ALPK2: variants seen among roughly 807,000 people sequenced by gnomAD.
ALPK2 encodes alpha kinase 2.
In ALPK2, 127 loss-of-function variants were observed where a neutral mutation model predicts 163.1. The observed-to-expected ratio is 0.78, with a 90% CI of 0.67 to 0.90. The LOEUF is 0.90. Ranked by LOEUF, ALPK2 falls within the 40% of genes least tolerant of loss-of-function variation. The probability of loss-of-function intolerance (pLI) is 0.00; values close to 1 mark genes in which losing one functional copy is unlikely to be tolerated. For missense variants in ALPK2, 2,360 were observed against 2,589.6 expected (o/e 0.91, Z 1.92); for synonymous variants, 953 against 959.1 (o/e 0.99, Z 0.12).
chr18:58,537,840 C>T lies in ALPK2; in HGVS notation c.2347G>A (p.Asp783Asn). ...ACATTTTCCAGGGTGAGGGCAGTAT[C>T]TGTGGGTTCAGGGGAAGCAACAGAG... ...AVSVASPEPT[D>N]TALTLENVCD... is the part of the protein sequence containing the mutation. The change falls in exon 5 of 13, where the codon GAT (aspartate) becomes AAT (asparagine). Residue 783 changes from aspartate (D) to asparagine (N), a missense_variant. Transcript: ENST00000361673. The T allele has an allele frequency of 6.2e-7, 1 of 1,614,158 alleles. No homozygotes were observed. The highest frequency in any genetic ancestry group is 1.1e-5 in the South Asian group (1 of 91,082).
chr18:58,492,209 C>G (rs752748539), intron 12 of ALPK2, among the ~76,000 whole-genome samples: 4 of 152,090 alleles, frequency 2.6e-5, no homozygotes, highest in African/African-American at 4.8e-5. Context: ...GATATACACA[C>G]AGACACACAT....
At position 58,605,917 on chromosome 18, in the gene ALPK2, G is replaced by A. The variant is rs143149946; in HGVS notation, c.227+1405C>T. 1.2e-3 allele frequency among the ~76,000 whole-genome samples: 180 copies of A among 152,302 alleles called. No homozygotes were observed. The Middle Eastern group carries it at 0.024, about 20-fold the overall frequency. On this transcript the variant is annotated intron_variant, in intron 3 of 12. Transcript: ENST00000361673. Reference sequence around the variant, plus strand: ...TGTGTTATTTACCTCCATCTCTAGCGTTAAGCAAAATGCTTGGCATATGTA... The same window carrying A: ...TGTGTTATTTACCTCCATCTCTAGCATTAAGCAAAATGCTTGGCATATGTA...
intron 10 of ALPK2, among the ~76,000 whole-genome samples, chr18:58,511,058 C>T (rs1183617631): frequency 1.3e-5 from 2 of 152,088 alleles, no homozygotes; most frequent in African/African-American, 4.8e-5. Flanking sequence ...GAGATACGTC[C>T]CATCAATACC....
intron 1 of ALPK2, among the ~76,000 whole-genome samples, chr18:58,618,632 T>G (rs1458823989): frequency 6.6e-6 from 1 of 152,276 alleles, no homozygotes; most frequent in Non-Finnish European, 1.5e-5. Context: ...CCGCTGCCAG[T>G]GGCTTTGGGT....
chr18:58,511,298 T>C (rs535050173), intron 10 of ALPK2, among the ~76,000 whole-genome samples: 17 of 152,354 alleles, frequency 1.1e-4, no homozygotes, highest in Admixed American at 1.0e-3. Flanking sequence ...CAGTATTTTA[T>C]TGAGGATTTT....
intron 12 of ALPK2, among the ~76,000 whole-genome samples, chr18:58,489,474 C>A (rs1483005625): frequency 6.6e-6 from 1 of 151,868 alleles, no homozygotes; most frequent in Non-Finnish European, 1.5e-5. Context: ...CTGCTTGAAC[C>A]CAGCAGTTTG....
intron 4 of ALPK2, among the ~76,000 whole-genome samples, chr18:58,558,825 A>G (rs1226086478): frequency 6.6e-6 from 1 of 152,262 alleles, no homozygotes; most frequent in Non-Finnish European, 1.5e-5. Flanking sequence ...CAGACACACA[A>G]AAGCCATCTA....
intron 3 of ALPK2, among the ~76,000 whole-genome samples, chr18:58,593,382 G>A (rs2052024342): frequency 6.6e-6 from 1 of 151,390 alleles, no homozygotes; most frequent in South Asian, 2.1e-4. Context: ...TGGCCAACAT[G>A]GTGAAACCCC....
intron 4 of ALPK2, among the ~76,000 whole-genome samples, chr18:58,540,865 T>C (rs2051685953): frequency 6.6e-6 from 1 of 152,182 alleles, no homozygotes; most frequent in Non-Finnish European, 1.5e-5. Context: ...TACTATGATA[T>C]TTACTGGGAT....
chr18:58,501,323 TG>T (rs1435286920), intron 11 of ALPK2, among the ~76,000 whole-genome samples: 2 of 152,296 alleles, frequency 1.3e-5, no homozygotes, highest in East Asian at 3.9e-4. Context: ...GGAGAAAAGA[TG>T]GGGGACAGCA....
chr18:58,627,343 A>T (rs886947792), intron 1 of ALPK2, among the ~76,000 whole-genome samples: 2 of 152,230 alleles, frequency 1.3e-5, no homozygotes, highest in Non-Finnish European at 2.9e-5. Context: ...AATGTAGGCC[A>T]GGCGCGGTGG....
Position 58,516,974 on chromosome 18 carries a change from AT to A in ALPK2, c.5873del (p.Asn1958MetfsTer76). On this transcript the variant is annotated frameshift_variant, in exon 9 of 13. Transcript: ENST00000361673. Reference protein sequence around the residue: ...PGHACVLKVHNAIAYGTRNND... With the variant: ...PGHACVLKVHXAIAYGTRNND... ...TATTTCTGGTCCCATAGGCAATGGC[AT>A]TGTGCACCTTAAGCACACAGGCATG... is the stretch of plus-strand genomic sequence containing the variant. 1 of 1,614,206 alleles carries A rather than the reference AT, an allele frequency of 6.2e-7. No individual in the cohort carries two copies. Among genetic ancestry groups the A allele is most frequent in the South Asian group, 1.1e-5 (1 of 91,084 alleles).
At chr18:58,620,324 T>C (rs2052191917) in intron 1 of ALPK2, among the ~76,000 whole-genome samples, 2 of 152,102 alleles carry the variant, frequency 1.3e-5, no homozygotes, top group African/African-American at 4.8e-5. Flanking sequence ...AAACTATGGA[T>C]ACATGGTATG....
At chr18:58,601,576 T>TG (rs556896052) in intron 3 of ALPK2, among the ~76,000 whole-genome samples, 38 of 152,318 alleles carry the variant, frequency 2.5e-4, no homozygotes, top group African/African-American at 7.7e-4. Context: ...GACCTTGGAA[T>TG]GCTGCCCTTA....
chr18:58,628,059 C>T (rs542070674), intron 1 of ALPK2, among the ~76,000 whole-genome samples: 2 of 152,184 alleles, frequency 1.3e-5, no homozygotes, highest in African/African-American at 4.8e-5. Flanking sequence ...CACCCTTAAT[C>T]AAGGCTTTTA....
chr18:58,623,813 T>C (rs940485469), intron 1 of ALPK2, among the ~76,000 whole-genome samples: 1 of 152,232 alleles, frequency 6.6e-6, no homozygotes, highest in Non-Finnish European at 1.5e-5. Flanking sequence ...GGAAGAACAT[T>C]TTAACTTGTC....
chr18:58,594,479 A>T (rs2144213445), intron 3 of ALPK2, among the ~76,000 whole-genome samples: 1 of 152,312 alleles, frequency 6.6e-6, no homozygotes, highest in East Asian at 1.9e-4. Flanking sequence ...CTTAAGTTTA[A>T]ACTGTAAATC....
intron 12 of ALPK2, among the ~76,000 whole-genome samples, chr18:58,494,580 A>G (rs1177111672): frequency 6.6e-6 from 1 of 151,576 alleles, no homozygotes; most frequent in Non-Finnish European, 1.5e-5. Flanking sequence ...TTTTTTTTTT[A>G]AATGACACAC....
chr18:58,552,850 C>G (rs1029940025), intron 4 of ALPK2, among the ~76,000 whole-genome samples: 1 of 152,062 alleles, frequency 6.6e-6, no homozygotes, highest in African/African-American at 2.4e-5. Context: ...TTGTGTCCCG[C>G]AAAAATAGGT....
Sources: gnomAD v4.1 joint callset for allele counts (sites outside exome capture counted in the v4.1 genomes callset) on GRCh38, gnomAD v4.1.1 for gene constraint, MANE v1.5 for transcripts, NCBI Gene and HGNC (gene_info 2026-07-23, HGNC 2026-07-21) for gene names.